CRIM1: variants seen among roughly 807,000 people sequenced by gnomAD.
CRIM1 encodes the protein cysteine-rich motor neuron 1 protein.
CRIM1 carries 32 observed loss-of-function variants against 116.4 expected under a neutral mutation model. The ratio of observed to expected loss-of-function variants is 0.27; its 90% CI spans 0.21 to 0.37. CRIM1 has a LOEUF of 0.37. Ranked by LOEUF, CRIM1 falls within the 10% of genes least tolerant of loss-of-function variation. The probability of loss-of-function intolerance (pLI) is 1.00; values close to 1 mark genes in which losing one functional copy is unlikely to be tolerated. For synonymous variants in CRIM1, 590 were observed against 509.2 expected (o/e 1.16, Z -2.13); for missense variants, 1,331 against 1,354.8 (o/e 0.98, Z 0.28).
At chr2:36,441,618 T>A in intron 3 of CRIM1, 118 bp downstream of exon 3, 2 of 1,304,272 alleles carry the variant, frequency 1.5e-6, no homozygotes, top group South Asian at 2.8e-5. Context: ...ACCGGTGTCC[T>A]GTGAATCTGC....
At chr2:36,392,114 A>T (rs953628620) in intron 1 of CRIM1, among the ~76,000 whole-genome samples, 2 of 152,170 alleles carry the variant, frequency 1.3e-5, no homozygotes, top group African/African-American at 4.8e-5. Flanking sequence ...AAAGTGTTAT[A>T]TTTCAAGATG....
intron 2 of CRIM1, among the ~76,000 whole-genome samples, chr2:36,422,873 T>C (rs1317466180): frequency 6.6e-6 from 1 of 152,226 alleles, no homozygotes; most frequent in East Asian, 1.9e-4. Flanking sequence ...CCATTGTCTT[T>C]TGTTGTCATG....
At chr2:36,417,237 T>C (rs1673689186) in intron 2 of CRIM1, among the ~76,000 whole-genome samples, 1 of 152,182 alleles carries the variant, frequency 6.6e-6, no homozygotes, top group Admixed American at 6.5e-5. Context: ...CCCTCTTCTC[T>C]CTTCCCCTAC....
chr2:36,401,800 C>T (rs147956988), intron 2 of CRIM1, among the ~76,000 whole-genome samples: 26 of 152,168 alleles, frequency 1.7e-4, no homozygotes, highest in African/African-American at 6.3e-4. Context: ...TATAAAACAC[C>T]CTGGAAATCA....
intron 11 of CRIM1, among the ~76,000 whole-genome samples, chr2:36,514,987 C>T (rs1664945376): frequency 6.6e-6 from 1 of 152,182 alleles, no homozygotes; most frequent in Non-Finnish European, 1.5e-5. Flanking sequence ...CATGTCAGAA[C>T]TCTTTCCTTT....
intron 2 of CRIM1, among the ~76,000 whole-genome samples, chr2:36,413,057 T>C (rs1250371496): frequency 2.0e-5 from 3 of 152,202 alleles, no homozygotes; most frequent in Admixed American, 6.5e-5. Flanking sequence ...CGAATGACTT[T>C]ATTCACTTAC....
intron 2 of CRIM1, among the ~76,000 whole-genome samples, chr2:36,417,884 C>G (rs1239521872): frequency 1.3e-5 from 2 of 152,158 alleles, no homozygotes; most frequent in Non-Finnish European, 2.9e-5. Context: ...CTAGGAAAAT[C>G]AGAAATTGTG....
chr2:36,400,735 G>A (rs542708161), intron 2 of CRIM1, among the ~76,000 whole-genome samples: 1 of 152,174 alleles, frequency 6.6e-6, no homozygotes, highest in South Asian at 2.1e-4. Context: ...GGAAGAATGA[G>A]GGCAGAAAGA....
intron 11 of CRIM1, among the ~76,000 whole-genome samples, chr2:36,516,703 G>A (rs534962489): frequency 1.3e-4 from 20 of 152,206 alleles, no homozygotes; most frequent in Middle Eastern, 3.4e-3. Flanking sequence ...TGGCCTGCTC[G>A]ACAGCAGGAC....
At chr2:36,418,225 A>G (rs1389509912) in intron 2 of CRIM1, among the ~76,000 whole-genome samples, 1 of 152,232 alleles carries the variant, frequency 6.6e-6, no homozygotes, top group Admixed American at 6.5e-5. Context: ...TTCAAGGCAC[A>G]GTGCAGGAGT....
intron 15 of CRIM1, among the ~76,000 whole-genome samples, chr2:36,545,109 T>G (rs1010084639): frequency 6.6e-6 from 1 of 152,232 alleles, no homozygotes; most frequent in Non-Finnish European, 1.5e-5. Flanking sequence ...ATCAGTAGTA[T>G]AAACTTGCTC....
chr2:36,410,619 G>T (rs1673134190), intron 2 of CRIM1, among the ~76,000 whole-genome samples: 1 of 151,946 alleles, frequency 6.6e-6, no homozygotes, highest in South Asian at 2.1e-4. Context: ...ACAAAGATAG[G>T]TGAAAACACT....
intron 5 of CRIM1, among the ~76,000 whole-genome samples, chr2:36,470,379 T>C (rs1052002742): frequency 6.6e-6 from 1 of 152,216 alleles, no homozygotes; most frequent in Non-Finnish European, 1.5e-5. Context: ...AGCAGCCTTC[T>C]ATGGAAAGAA....
chr2:36,490,362 A>G (rs2022210), intron 7 of CRIM1, among the ~76,000 whole-genome samples: 36,930 of 152,090 alleles, frequency 0.24, 4,688 homozygotes, highest in South Asian at 0.4. Flanking sequence ...AAGCCCAGAG[A>G]GGTCCATCAT....
chr2:36,489,527 A>T (rs1248979386), intron 7 of CRIM1, among the ~76,000 whole-genome samples: 2 of 152,182 alleles, frequency 1.3e-5, no homozygotes, highest in African/African-American at 4.8e-5. Flanking sequence ...TAGTCCTGTG[A>T]CAGAGATACT....
chr2:36,483,986 A>C (rs1679621700), intron 7 of CRIM1, among the ~76,000 whole-genome samples: 1 of 152,214 alleles, frequency 6.6e-6, no homozygotes, highest in South Asian at 2.1e-4. Flanking sequence ...AGTGTGTGAC[A>C]TGAGGTGGGC....
At chr2:36,409,952 A>C (rs1340053298) in intron 2 of CRIM1, among the ~76,000 whole-genome samples, 1 of 152,214 alleles carries the variant, frequency 6.6e-6, no homozygotes, top group South Asian at 2.1e-4. Context: ...TTAATGGTGC[A>C]TACGCTCTAA....
At chr2:36,389,307 C>A (rs1043275699) in intron 1 of CRIM1, among the ~76,000 whole-genome samples, 3 of 152,006 alleles carry the variant, frequency 2.0e-5, no homozygotes, top group Admixed American at 6.5e-5. Flanking sequence ...TCGAGCAGAA[C>A]GGAATGCCTG....
At position 36,362,046 on chromosome 2, in the gene CRIM1, A is replaced by T. The variant is rs912826745; in HGVS notation, c.331+5423A>T. On this transcript the variant is annotated intron_variant, in intron 1 of 16. Coordinates refer to ENST00000280527, the MANE Select transcript of CRIM1 (RefSeq NM_016441.3). Reference sequence around the variant, plus strand: ...CTGTACAAGGCCTTCTGCTGGGGTGAGGGGGAAACTAGGGAGCCCGGGGAC... The same window carrying T: ...CTGTACAAGGCCTTCTGCTGGGGTGTGGGGGAAACTAGGGAGCCCGGGGAC... Among the ~76,000 whole-genome samples the T allele has an allele frequency of 4.6e-5, 7 of 152,182 alleles. No homozygotes were observed. In the South Asian group the frequency reaches 1.5e-3, roughly 32 times the overall value.
Sources: allele counts gnomAD v4.1 joint callset (sites outside exome capture counted in the v4.1 genomes callset), GRCh38; gene constraint gnomAD v4.1.1; transcripts MANE v1.5; gene names NCBI Gene and HGNC (gene_info 2026-07-23, HGNC 2026-07-21).